Variants in PFAS observed in about 807,000 individuals in gnomAD.
PFAS encodes the protein phosphoribosylformylglycinamidine synthase.
PFAS carries 97 observed loss-of-function variants against 140.6 expected under a neutral mutation model. The ratio of observed to expected loss-of-function variants is 0.69; its 90% CI spans 0.59 to 0.82. The LOEUF (loss-of-function observed/expected upper bound fraction) is 0.82. Ranked by LOEUF, PFAS falls within the 40% of genes least tolerant of loss-of-function variation. The pLI is 0.00. For synonymous variants in PFAS, 679 were observed against 718.8 expected, an observed-to-expected ratio of 0.94 and a Z score of 0.88; for missense variants, 1,656 against 1,780.2, an observed-to-expected ratio of 0.93 and a Z score of 1.26.
chr17:8,266,130 C>G lies in PFAS; in HGVS notation c.2702-104C>G, dbSNP rs550980230. The G allele has an allele frequency of 3.2e-6, 5 of 1,553,738 alleles. No individual in the cohort carries two copies. The African/African-American group carries it at 6.8e-5, about 21-fold the overall frequency. The stretch of plus-strand genomic sequence containing the variant: ...CCAATGGACGATGTACCCCAGATCC[C>G]CTGACATTCTGACACACACTCTTGA... On this transcript the variant is annotated intron_variant, in intron 21 of 27. Transcript: ENST00000314666. This position sits in a 1 kb window ranked among gnomAD's most constrained non-coding sequence, Gnocchi z 5.0.
chr17:8,268,899 G>T, intron 27 of PFAS, 43 bp downstream of exon 27: 2 of 1,612,060 alleles, frequency 1.2e-6, no homozygotes, highest in Non-Finnish European at 1.7e-6. Context: ...AGGGTTGGGG[G>T]CAAGGGTGGG....
In PFAS at chr17:8,268,653, G is replaced by A. The variant is rs766125479; in HGVS notation, c.3503G>A (p.Gly1168Asp). 6.2e-7 allele frequency: 1 copy of A among 1,613,760 alleles called. No individual in the cohort carries two copies. Among genetic ancestry groups the A allele is most frequent in the Non-Finnish European group, 8.5e-7 (1 of 1,180,012 alleles). The change falls in exon 27 of 28, where the codon GGC (glycine) becomes GAC (aspartate). Residue 1168 changes from glycine (G) to aspartate (D), a missense_variant. Physicochemically the swap from Gly to Asp is moderately conservative, Grantham distance 94 (BLOSUM62 -1). Around this residue, in one of 2 missense-constraint regions of PFAS, gnomAD observed 883 missense variants for 1,023.0 expected, o/e 0.86. Coordinates refer to ENST00000314666, the MANE Select transcript of PFAS (RefSeq NM_012393.3). ...GGCTGTCAACTGCTGGCTCTGCTCG[G>A]CTGGGTGGGAGGCGACCCCAATGAG... is the stretch of plus-strand genomic sequence containing the variant. ...CNGCQLLALL[G>D]WVGGDPNEDA... is the part of the protein sequence containing the mutation.
At chr17:8,248,688 G>A (rs2151566736), upstream of PFAS, among the ~76,000 whole-genome samples, 1 of 151,988 alleles carries the variant, frequency 6.6e-6, no homozygotes, top group African/African-American at 2.4e-5. Flanking sequence ...CCACCAAGTA[G>A]CTGGGATCGC....
At chr17:8,255,158 G>A (rs1165854908) in intron 4 of PFAS, 26 bp downstream of exon 4, 4 of 1,499,764 alleles carry the variant, frequency 2.7e-6, no homozygotes, top group Non-Finnish European at 1.9e-6. Flanking sequence ...ATCAGGAGGA[G>A]GAGATGAGCC....
chr17:8,263,254 C>G lies in PFAS; in HGVS notation c.1556C>G (p.Ala519Gly). The G allele has an allele frequency of 6.2e-7, 1 of 1,614,152 alleles. No homozygotes were observed. The highest frequency in any genetic ancestry group is 1.3e-5 in the African/African-American group (1 of 75,044). Residue 519 changes from alanine (A) to glycine (G), a missense_variant, in exon 13 of 28, where the codon GCT (alanine) becomes GGT (glycine). Coordinates refer to ENST00000314666, the MANE Select transcript of PFAS (RefSeq NM_012393.3). ...NPICSLHDQG[A>G]GGNGNVLKEL... ...ATCTGCAGCCTTCATGATCAGGGCGCTGGTGGCAATGGTGAGGAAAGGAGT... is the reference window on the plus strand; with the variant it reads ...ATCTGCAGCCTTCATGATCAGGGCGGTGGTGGCAATGGTGAGGAAAGGAGT...
In PFAS at chr17:8,255,051, C is replaced by T; in HGVS notation, c.303C>T (p.Ser101=). 2 of 1,613,926 alleles carry T rather than the reference C, an allele frequency of 1.2e-6. No homozygotes were observed. Among genetic ancestry groups the T allele is most frequent in the Non-Finnish European group, 1.7e-6 (2 of 1,179,896 alleles). ...GGCTGAACTTCTCCACCCCAACATC[C>T]ACCAACATCGTGTCAGTGTGCCGCG... ...GPRLNFSTPT[S]TNIVSVCRAT... is the part of the protein sequence containing the mutation. The change falls in exon 4 of 28, where the codon TCC becomes TCT. Residue 101 remains serine, a synonymous_variant. Transcript: ENST00000314666.
At chr17:8,264,010 G>C in intron 15 of PFAS, 74 bp downstream of exon 15, 3 of 1,551,486 alleles carry the variant, frequency 1.9e-6, no homozygotes, top group Non-Finnish European at 2.7e-6. Flanking sequence ...TAGAGGGAGA[G>C]CTGTCAAGGG....
At chr17:8,255,188 C>CTA in intron 4 of PFAS, 56 bp downstream of exon 4, 1 of 1,306,230 alleles carries the variant, frequency 7.7e-7, no homozygotes, top group Admixed American at 1.7e-5. Flanking sequence ...AGATTAGATC[C>CTA]TAAGCTCTAG....
rs2151596830 is a variant in PFAS at position 8,267,415 on chromosome 17, T to G, written c.3219T>G (p.Ser1073Arg). 1 of 1,614,104 alleles carries G rather than the reference T, an allele frequency of 6.2e-7. No individual in the cohort carries two copies. The highest frequency in any genetic ancestry group is 1.3e-5 in the African/African-American group (1 of 75,044). ...PRVAILREEGSNGDREMADAF... is the reference protein window; with the variant it reads ...PRVAILREEGRNGDREMADAF... ...TCGCCATCTTGCGAGAGGAGGGCAG[T>G]AATGGAGACCGGGAGATGGCCGATG... The change falls in exon 25 of 28, where the codon AGT (serine) becomes AGG (arginine). Residue 1073 changes from serine to arginine, a missense_variant. Around this residue, in one of 2 missense-constraint regions of PFAS, gnomAD observed 883 missense variants for 1,023.0 expected, o/e 0.86. Coordinates refer to ENST00000314666, the MANE Select transcript of PFAS (RefSeq NM_012393.3). The surrounding 1 kb of genome is among the most constrained non-coding windows in gnomAD (Gnocchi z 4.9).
intron 27 of PFAS, 44 bp downstream of exon 27, chr17:8,268,900 C>T (rs1247671973): frequency 6.2e-7 from 1 of 1,610,950 alleles, no homozygotes; most frequent in East Asian, 2.2e-5. Context: ...GGGTTGGGGG[C>T]AAGGGTGGGC....
In PFAS at chr17:8,254,231, C is replaced by A; in HGVS notation, c.208C>A (p.Leu70Met). The change falls in exon 3 of 28, where the codon CTG (leucine) becomes ATG (methionine). Residue 70 changes from leucine to methionine, a missense_variant. Physicochemically the swap from Leu to Met is conservative, Grantham distance 15. Transcript: ENST00000314666. The stretch of plus-strand genomic sequence containing the variant: ...GTGGCTGTTTGGTTGCCCCTTACTG[C>A]TGGATGATGTTGCTCGGGAGTCCTG... ...LMWLFGCPLL[L>M]DDVARESWLL... The A allele has an allele frequency of 6.2e-7, 1 of 1,614,138 alleles. No homozygotes were observed. Among genetic ancestry groups the A allele is most frequent in the South Asian group, 1.1e-5 (1 of 91,082 alleles).
chr17:8,258,851 G>C (rs1178264383), intron 11 of PFAS, among the ~76,000 whole-genome samples: 1 of 152,074 alleles, frequency 6.6e-6, no homozygotes, highest in East Asian at 1.9e-4. Context: ...GCCAGGTGTG[G>C]TGGCGGGCAC....
At chr17:8,258,406 C>T (rs1989460392) in intron 11 of PFAS, among the ~76,000 whole-genome samples, 1 of 152,136 alleles carries the variant, frequency 6.6e-6, no homozygotes, top group African/African-American at 2.4e-5. Flanking sequence ...ACTGTACATA[C>T]ACAAACCTAG....
chr17:8,256,719 A>G (rs984494127), intron 8 of PFAS, 71 bp downstream of exon 8: 4 of 1,568,906 alleles, frequency 2.5e-6, no homozygotes, highest in Non-Finnish European at 3.5e-6. Flanking sequence ...AGGCCCCTGG[A>G]GTGGGCCTGG....
In PFAS at chr17:8,268,977, G is replaced by C. The variant is rs569774375; in HGVS notation, c.3730G>C (p.Glu1244Gln). Residue 1244 changes from glutamate to glutamine, a missense_variant, in exon 28 of 28, where the codon GAA becomes CAA. Physicochemically the swap from Glu to Gln is conservative, Grantham distance 29. Around this residue, in one of 2 missense-constraint regions of PFAS, gnomAD observed 883 missense variants for 1,023.0 expected, o/e 0.86. Coordinates refer to ENST00000314666, the MANE Select transcript of PFAS (RefSeq NM_012393.3). Reference sequence around the variant, plus strand: ...AGGTTACGTAGCATTTTCTTCTCCGGAACTCCAAGCTCAGATTGAGGCCAG... The same window carrying C: ...AGGTTACGTAGCATTTTCTTCTCCGCAACTCCAAGCTCAGATTGAGGCCAG... ...GEGYVAFSSP[E>Q]LQAQIEARGL... 6.2e-7 allele frequency: 1 copy of C among 1,614,148 alleles called. No homozygotes were observed. Among genetic ancestry groups the C allele is most frequent in the African/African-American group, 1.3e-5 (1 of 75,046 alleles).
intron 11 of PFAS, among the ~76,000 whole-genome samples, chr17:8,262,138 C>T (rs763482232): frequency 7.2e-5 from 11 of 151,744 alleles, no homozygotes; most frequent in African/African-American, 2.2e-4. Flanking sequence ...TTTCATTTTT[C>T]GCTTAGCAGT....
chr17:8,256,728 G>A, intron 8 of PFAS, 80 bp downstream of exon 8: 2 of 1,563,206 alleles, frequency 1.3e-6, no homozygotes, highest in Non-Finnish European at 8.6e-7. Context: ...GAGTGGGCCT[G>A]GGGAAAATAA....
At chr17:8,265,173 C>T (rs1989760840) in intron 18 of PFAS, 48 bp downstream of exon 18, 1 of 1,564,952 alleles carries the variant, frequency 6.4e-7, no homozygotes, top group Admixed American at 1.7e-5. Flanking sequence ...GCTTCAGGAC[C>T]CTTCCACATC....
In PFAS at chr17:8,266,077, C is replaced by T. The variant is rs951832117; in HGVS notation, c.2701+60C>T. 3.2e-6 allele frequency: 5 copies of T among 1,542,238 alleles called. No individual in the cohort carries two copies. The African/African-American group carries it at 5.5e-5, about 17-fold the overall frequency. On this transcript the variant is annotated intron_variant, in intron 21 of 27. Transcript: ENST00000314666. This position sits in a 1 kb window ranked among gnomAD's most constrained non-coding sequence, Gnocchi z 5.0. ...GTGCCAGGCGTGCAGCAGGCGTTCA[C>T]CATCTGAGCAGTGGGGCAAAAGGGA...
Sources: gnomAD v4.1 joint callset for allele counts (sites outside exome capture counted in the v4.1 genomes callset) on GRCh38, gnomAD v4.1.1 for gene constraint, gnomAD v4.1.1 regional missense constraint, Gnocchi (gnomAD v3.1) non-coding constraint, MANE v1.5 for transcripts, NCBI Gene and HGNC (gene_info 2026-07-23, HGNC 2026-07-21) for gene names.